Variants in HMGN5 observed in about 807,000 individuals in gnomAD.
The protein encoded by HMGN5 is high mobility group nucleosome-binding domain-containing protein 5.
A neutral mutation model predicts 9.5 loss-of-function variants in HMGN5; 4 were observed. The observed-to-expected ratio is 0.42, with a 90% CI of 0.21 to 0.96. HMGN5 has a LOEUF of 0.96. Ranked by LOEUF, HMGN5 falls within the 40% of genes least tolerant of loss-of-function variation. HMGN5 has a pLI of 0.30. For missense variants in HMGN5, 192 were observed against 187.5 expected (o/e 1.02, Z -0.14); for synonymous variants, 55 against 57.1 (o/e 0.96, Z 0.16).
chrX:81,179,199 C>T (rs1000374952), intron 1 of HMGN5, among the ~76,000 whole-genome samples: 4 of 111,465 alleles, frequency 3.6e-5, no homozygotes, highest in African/African-American at 1.3e-4. Context: ...AAGTTCTGGA[C>T]AGGGCAATCA....
At chrX:81,136,300 A>G (rs748778167) in intron 1 of HMGN5, among the ~76,000 whole-genome samples, 118 of 112,196 alleles carry the variant, frequency 1.1e-3, no homozygotes, top group Non-Finnish European at 8.5e-4. Context: ...TAAGTGCAAT[A>G]AATTCCCTTT....
chrX:81,171,753 T>C (rs1242224037), intron 1 of HMGN5, among the ~76,000 whole-genome samples: 1 of 111,509 alleles, frequency 9.0e-6, no homozygotes, highest in Non-Finnish European at 1.9e-5. Context: ...TCTGTTTCTC[T>C]TTTTGTACTT....
chrX:81,164,520 T>C (rs999273952), intron 1 of HMGN5, among the ~76,000 whole-genome samples: 2 of 111,772 alleles, frequency 1.8e-5, no homozygotes, highest in African/African-American at 6.5e-5. Context: ...ATGTTATTTA[T>C]TTTATTATGA....
intron 1 of HMGN5, among the ~76,000 whole-genome samples, chrX:81,193,268 C>T (rs920826579): frequency 8.9e-6 from 1 of 111,898 alleles, no homozygotes; most frequent in African/African-American, 3.2e-5. Flanking sequence ...TCTGAAGCTG[C>T]CATGCCATGA....
chrX:81,153,228 G>A (rs1044390991), intron 1 of HMGN5, among the ~76,000 whole-genome samples: 5 of 107,918 alleles, frequency 4.6e-5, no homozygotes, highest in African/African-American at 6.7e-5. Context: ...AATCCTCAAC[G>A]AAATACTTCA....
At chrX:81,158,656 C>T (rs1336967318) in intron 1 of HMGN5, among the ~76,000 whole-genome samples, 2 of 112,342 alleles carry the variant, frequency 1.8e-5, no homozygotes, top group Non-Finnish European at 3.8e-5. Flanking sequence ...TGTGCAGAAG[C>T]TCTTTAGTTT....
intron 2 of HMGN5, among the ~76,000 whole-genome samples, chrX:81,121,274 G>A (rs1188611228): frequency 9.1e-6 from 1 of 110,086 alleles, no homozygotes; most frequent in East Asian, 2.9e-4. Context: ...ATGGCTGTTT[G>A]TAATTCAGCA....
At position 81,114,784 on chromosome X, in the gene HMGN5, T is replaced by C. The variant is rs1292733747; in HGVS notation, c.714A>G (p.Gly238=). ...VKEDEKERED[G]KEDEGGNEEE... ...CCTCATTTCCACCTTCATCTTCTTT[T>C]CCATCTTCTCTCTCTTTTTCATCTT... The change falls in exon 7 of 7, where the codon GGA becomes GGG. Residue 238 remains glycine, a synonymous_variant. Transcript: ENST00000358130. The C allele has an allele frequency of 8.6e-7, 1 of 1,163,370 alleles. No homozygotes were observed. The highest frequency in any genetic ancestry group is 1.1e-6 in the Non-Finnish European group (1 of 871,499).
intron 1 of HMGN5, among the ~76,000 whole-genome samples, chrX:81,176,258 C>G (rs2075441351): frequency 8.9e-6 from 1 of 111,827 alleles, no homozygotes; most frequent in African/African-American, 3.3e-5. Flanking sequence ...AGGACATCTA[C>G]ACCAAAACCC....
chrX:81,132,449 C>T (rs1350204721), intron 1 of HMGN5, among the ~76,000 whole-genome samples: 12 of 111,285 alleles, frequency 1.1e-4, no homozygotes, highest in African/African-American at 3.9e-4. Flanking sequence ...TCATGCTACC[C>T]GACTTCAAAC....
intron 1 of HMGN5, among the ~76,000 whole-genome samples, chrX:81,155,102 T>TATAC (rs1407923805): frequency 1.4e-4 from 13 of 91,056 alleles, no homozygotes; most frequent in African/African-American, 2.0e-4. Context: ...TATATATATA[T>TATAC]ACACACACAC....
intron 1 of HMGN5, among the ~76,000 whole-genome samples, chrX:81,135,241 C>T (rs952088298): frequency 8.1e-5 from 9 of 111,313 alleles, no homozygotes; most frequent in Non-Finnish European, 1.5e-4. Flanking sequence ...GAATTTTATC[C>T]AGAATATATA....
chrX:81,144,469 T>A (rs1237506831), intron 1 of HMGN5, among the ~76,000 whole-genome samples: 2 of 111,389 alleles, frequency 1.8e-5, no homozygotes, highest in Non-Finnish European at 3.8e-5. Context: ...ACAAAAAGGA[T>A]CTACACACAG....
chrX:81,141,841 C>T (rs1490262482), intron 1 of HMGN5, among the ~76,000 whole-genome samples: 1 of 111,648 alleles, frequency 9.0e-6, no homozygotes, highest in Non-Finnish European at 1.9e-5. Flanking sequence ...ACATGACCTC[C>T]CCAAATGAAC....
At chrX:81,172,254 T>C (rs2075428001) in intron 1 of HMGN5, among the ~76,000 whole-genome samples, 1 of 111,115 alleles carries the variant, frequency 9.0e-6, no homozygotes, top group Non-Finnish European at 1.9e-5. Flanking sequence ...ATTGTTTGCA[T>C]GCTGATGAGA....
intron 1 of HMGN5, among the ~76,000 whole-genome samples, chrX:81,199,978 T>G (rs2075520665): frequency 8.9e-6 from 1 of 111,936 alleles, no homozygotes; most frequent in Admixed American, 9.4e-5. Context: ...AATCTACTCA[T>G]CTGACAAAGG....
At chrX:81,167,159 G>GT (rs2075413364) in intron 1 of HMGN5, among the ~76,000 whole-genome samples, 1 of 110,974 alleles carries the variant, frequency 9.0e-6, no homozygotes, top group East Asian at 2.8e-4. Context: ...AGGGAATTAG[G>GT]TTTATTTGGA....
chrX:81,130,922 A>T (rs754518876), intron 1 of HMGN5, among the ~76,000 whole-genome samples: 1 of 111,258 alleles, frequency 9.0e-6, no homozygotes, highest in South Asian at 3.8e-4. Context: ...TATGTGAAAA[A>T]CATTATGGGG....
chrX:81,165,620 G>A lies in HMGN5; in HGVS notation c.-124+36117C>T, dbSNP rs754141122. On this transcript the variant is annotated intron_variant, in intron 1 of 6. Coordinates refer to ENST00000358130, the MANE Select transcript of HMGN5 (RefSeq NM_030763.3). ...TAAGTTAACTTAATTTTGAGACTGG[G>A]GTCTCTTCAAGTTCTGAGAAGTTGA... 7.0e-4 allele frequency among the ~76,000 whole-genome samples: 78 copies of A among 111,097 alleles called. 1 individual carries two copies. The highest frequency in any genetic ancestry group is 1.3e-3 in the Non-Finnish European group (67 of 52,931).
Sources: allele counts gnomAD v4.1 joint callset (sites outside exome capture counted in the v4.1 genomes callset), GRCh38; gene constraint gnomAD v4.1.1; transcripts MANE v1.5; gene names NCBI Gene and HGNC (gene_info 2026-07-23, HGNC 2026-07-21).